DIS3L2: variants seen among roughly 807,000 people sequenced by gnomAD.
The protein encoded by DIS3L2 is DIS3-like exonuclease 2.
A neutral mutation model predicts 97.5 loss-of-function variants in DIS3L2; 34 were observed. The ratio of observed to expected loss-of-function variants is 0.35; its 90% CI spans 0.27 to 0.46. The LOEUF (loss-of-function observed/expected upper bound fraction) is 0.46. Among genes scored for constraint, DIS3L2 ranks in the 20% least tolerant of loss-of-function variants. The probability of loss-of-function intolerance (pLI) is 1.00; values close to 1 mark genes in which losing one functional copy is unlikely to be tolerated. For synonymous variants in DIS3L2, 435 were observed against 445.2 expected (o/e 0.98, Z 0.29); for missense variants, 1,038 against 1,146.0 (o/e 0.91, Z 1.36).
At chr2:231,989,215 AT>A (rs1693512349) in intron 1 of DIS3L2, among the ~76,000 whole-genome samples, 1 of 152,178 alleles carries the variant, frequency 6.6e-6, no homozygotes, top group South Asian at 2.1e-4. Flanking sequence ...GCTCAATAAA[AT>A]TTATGCTTTC....
At chr2:231,972,179 G>A (rs183667644) in intron 1 of DIS3L2, among the ~76,000 whole-genome samples, 3 of 151,390 alleles carry the variant, frequency 2.0e-5, no homozygotes, top group African/African-American at 7.3e-5. Flanking sequence ...GCGAGACTCG[G>A]TCTCAAAAAA....
At position 232,288,564 on chromosome 2, in the gene DIS3L2, G is replaced by T. The variant is rs1007194249; in HGVS notation, c.1660-11476G>T. 4.9e-4 allele frequency among the ~76,000 whole-genome samples: 75 copies of T among 152,230 alleles called. 1 individual carries two copies. The highest frequency in any genetic ancestry group is 4.9e-3 in the Admixed American group (75 of 15,286). On this transcript the variant is annotated intron_variant, in intron 13 of 20. Coordinates refer to ENST00000325385, the MANE Select transcript of DIS3L2 (RefSeq NM_152383.5). Reference sequence around the variant, plus strand: ...AGAGAACAGAGACAAGGTCAGAGCTGCTGGCTCCCCGCTTGGGGTTATATA... The same window carrying T: ...AGAGAACAGAGACAAGGTCAGAGCTTCTGGCTCCCCGCTTGGGGTTATATA...
At chr2:232,013,082 T>C (rs1694253984) in intron 1 of DIS3L2, among the ~76,000 whole-genome samples, 1 of 152,198 alleles carries the variant, frequency 6.6e-6, no homozygotes, top group African/African-American at 2.4e-5. Flanking sequence ...CCTTGCTCAC[T>C]TCCAGACATG....
intron 9 of DIS3L2, among the ~76,000 whole-genome samples, chr2:232,171,060 C>A (rs527572396): frequency 6.6e-6 from 1 of 152,258 alleles, no homozygotes; most frequent in African/African-American, 2.4e-5. Context: ...ATTGAAGGAG[C>A]GCTGGAAGTT....
At chr2:232,079,524 G>A (rs1164265551) in intron 5 of DIS3L2, among the ~76,000 whole-genome samples, 8 of 150,882 alleles carry the variant, frequency 5.3e-5, no homozygotes, top group Middle Eastern at 3.4e-3. Context: ...GGTGTGAACC[G>A]GGGAGGCGGA....
chr2:232,253,661 G>A (rs1258338381), intron 12 of DIS3L2, among the ~76,000 whole-genome samples: 2 of 152,060 alleles, frequency 1.3e-5, no homozygotes, highest in East Asian at 3.8e-4. Context: ...GAATAGTTAC[G>A]TGGGCATGGT....
chr2:232,110,536 T>C (rs1030666708), intron 6 of DIS3L2, among the ~76,000 whole-genome samples: 1 of 152,212 alleles, frequency 6.6e-6, no homozygotes, highest in Non-Finnish European at 1.5e-5. Flanking sequence ...AACAAAATGA[T>C]GTCCTTTGCA....
intron 1 of DIS3L2, among the ~76,000 whole-genome samples, chr2:231,974,670 GTATT>G: frequency 6.6e-6 from 1 of 150,878 alleles, no homozygotes. Flanking sequence ...TAAGGTATAT[GTATT>G]TATTTACTTA....
chr2:232,156,677 T>C (rs1690504946), intron 8 of DIS3L2, among the ~76,000 whole-genome samples: 1 of 152,174 alleles, frequency 6.6e-6, no homozygotes, highest in Non-Finnish European at 1.5e-5. Flanking sequence ...AGGTCCGTAT[T>C]GTATCCTGGA....
chr2:232,242,495 T>A (rs1693127739), intron 11 of DIS3L2, among the ~76,000 whole-genome samples: 1 of 152,176 alleles, frequency 6.6e-6, no homozygotes, highest in African/African-American at 2.4e-5. Flanking sequence ...TCCTTCCTGC[T>A]CCTCCTTGCC....
intron 1 of DIS3L2, among the ~76,000 whole-genome samples, chr2:232,013,977 G>A (rs1462840122): frequency 6.6e-6 from 1 of 152,194 alleles, no homozygotes; most frequent in East Asian, 1.9e-4. Flanking sequence ...GGAAATGGAA[G>A]CTAGTGTTCA....
At position 232,329,803 on chromosome 2, in the gene DIS3L2, C is replaced by G; in HGVS notation, c.1740-10C>G. On this transcript the variant is annotated splice_polypyrimidine_tract_variant and intron_variant, in intron 14 of 20. Transcript: ENST00000325385. ...CCAGCGGTCCCTCCCATCCCACCCA[C>G]CCTCTGCAGGCTCGTGGAGGAGTTC... 7.1e-7 allele frequency: 1 copy of G among 1,406,098 alleles called. No individual in the cohort carries two copies. Among genetic ancestry groups the G allele is most frequent in the African/African-American group, 1.5e-5 (1 of 68,026 alleles). The allele number at this position is 1,406,098 out of a possible 1,614,324, so 87.1% of individuals were successfully genotyped here.
At chr2:232,230,805 A>T (rs1165770246) in intron 10 of DIS3L2, among the ~76,000 whole-genome samples, 1 of 152,114 alleles carries the variant, frequency 6.6e-6, no homozygotes, top group African/African-American at 2.4e-5. Flanking sequence ...ATCCTGACCC[A>T]GCAGGGCAGC....
intron 9 of DIS3L2, among the ~76,000 whole-genome samples, chr2:232,181,484 C>T (rs1053321349): frequency 6.6e-6 from 1 of 152,142 alleles, no homozygotes; most frequent in Non-Finnish European, 1.5e-5. Flanking sequence ...TTCACATAGT[C>T]CCATATTTCT....
Position 232,249,304 on chromosome 2 carries a change from G to C in DIS3L2, c.1383G>C (p.Lys461Asn). 1 of 1,614,234 alleles carries C rather than the reference G, an allele frequency of 6.2e-7. No homozygotes were observed. The highest frequency in any genetic ancestry group is 8.5e-7 in the Non-Finnish European group (1 of 1,180,034). Residue 461 changes from lysine (K) to asparagine (N), a missense_variant, in exon 12 of 21, where the codon AAG becomes AAC. By Grantham distance (94) the Lys-to-Asn change is moderately conservative (BLOSUM62 0). Around this residue, in one of 3 missense-constraint regions of DIS3L2, gnomAD observed 813 missense variants for 880.1 expected, o/e 0.92. Transcript: ENST00000325385. Reference sequence around the variant, plus strand: ...GCAGCCTCAACCCCATGTCCGACAAGCTGACCTTCTCTGTGATCTGGACAC... The same window carrying C: ...GCAGCCTCAACCCCATGTCCGACAACCTGACCTTCTCTGTGATCTGGACAC... The part of the protein sequence containing the change: ...ELCSLNPMSD[K>N]LTFSVIWTLT...
In DIS3L2 at chr2:232,208,038, T is replaced by C. The variant is rs539849651; in HGVS notation, c.1125-2288T>C. The stretch of plus-strand genomic sequence containing the variant: ...ATCAACCCTATGAATATTTAACATA[T>C]ATGTTTTACTCTTCTTGATTTGAAA... On this transcript the variant is annotated intron_variant, in intron 9 of 20. Coordinates refer to ENST00000325385, the MANE Select transcript of DIS3L2 (RefSeq NM_152383.5). Among the ~76,000 whole-genome samples, 15 of 152,344 alleles carry C rather than the reference T, an allele frequency of 9.8e-5. 1 individual carries two copies. The highest frequency in any genetic ancestry group is 8.3e-4 in the South Asian group (4 of 4,826).
chr2:232,280,465 A>G (rs1188599175), intron 13 of DIS3L2, among the ~76,000 whole-genome samples: 1 of 152,268 alleles, frequency 6.6e-6, no homozygotes, highest in African/African-American at 2.4e-5. Flanking sequence ...TGCCAAACAC[A>G]GGACTTTGCC....
rs1447642559 is a variant in DIS3L2, at chr2:232,334,448, C to G, written c.2238C>G (p.Ser746=). 1 of 1,613,830 alleles carries G rather than the reference C, an allele frequency of 6.2e-7. No homozygotes were observed. Among genetic ancestry groups the G allele is most frequent in the Non-Finnish European group, 8.5e-7 (1 of 1,180,034 alleles). Reference sequence around the variant, plus strand: ...ACTGTAACGACCGCCGCATGGCGTCCAAGCGCGTGCAGGAGCTCAGTACCA... The same window carrying G: ...ACTGTAACGACCGCCGCATGGCGTCGAAGCGCGTGCAGGAGCTCAGTACCA... ...ADHCNDRRMA[S]KRVQELSTSL... is the part of the protein sequence containing the mutation. The change falls in exon 18 of 21, where the codon TCC becomes TCG. Residue 746 remains serine (S), a synonymous_variant. Transcript: ENST00000325385.
chr2:232,013,564 C>G (rs963692851), intron 1 of DIS3L2, among the ~76,000 whole-genome samples: 1 of 152,210 alleles, frequency 6.6e-6, no homozygotes, highest in Non-Finnish European at 1.5e-5. Context: ...AAAGTACTCT[C>G]AGGTTTCCTG....
Sources: gnomAD v4.1 joint callset for allele counts (sites outside exome capture counted in the v4.1 genomes callset) on GRCh38, gnomAD v4.1.1 for gene constraint, gnomAD v4.1.1 regional missense constraint, MANE v1.5 for transcripts, NCBI Gene and HGNC (gene_info 2026-07-23, HGNC 2026-07-21) for gene names.